FRY: variants seen among roughly 807,000 people sequenced by gnomAD.
FRY encodes the protein FRY microtubule binding protein.
FRY carries 128 observed loss-of-function variants against 348.4 expected under a neutral mutation model. The ratio of observed to expected loss-of-function variants is 0.37; its 90% CI spans 0.32 to 0.43. FRY has a LOEUF of 0.43. FRY is among the 20% of genes least tolerant of loss of function. FRY has a pLI of 1.00. For synonymous variants in FRY, 1,370 were observed against 1,374.7 expected, an observed-to-expected ratio of 1.00 and a Z score of 0.08; for missense variants, 2,736 against 3,695.2, an observed-to-expected ratio of 0.74 and a Z score of 6.73.
In FRY at chr13:32,208,898, T is replaced by G. The variant is rs2138351886; in HGVS notation, c.4064T>G (p.Ile1355Ser). The change falls in exon 32 of 61, where the codon ATC becomes AGC. Residue 1355 changes from isoleucine (I) to serine (S), a missense_variant. Physicochemically the swap from Ile to Ser is moderately radical, Grantham distance 142. This residue lies in a region of FRY where 794 missense variants were observed against 977.0 expected (regional missense o/e 0.81). Coordinates refer to ENST00000542859, the MANE Select transcript of FRY (RefSeq NM_023037.3). ...FPTTHPNGRQ[I>S]MLTYLLPWLH... ...ACAACACACCCCAACGGGCGCCAGA[T>G]CATGCTTACCTACCTGCTGCCCTGG... 1 of 1,614,186 alleles carries G rather than the reference T, an allele frequency of 6.2e-7. No homozygotes were observed. Among genetic ancestry groups the G allele is most frequent in the South Asian group, 1.1e-5 (1 of 91,086 alleles).
chr13:32,259,537 T>C (rs564920285), intron 51 of FRY, among the ~76,000 whole-genome samples: 1 of 152,336 alleles, frequency 6.6e-6, no homozygotes, highest in South Asian at 2.1e-4. Context: ...TGCAAGCTCA[T>C]GGTTCTGTCT....
At chr13:32,078,139 C>T (rs893917060) in intron 1 of FRY, among the ~76,000 whole-genome samples, 3 of 152,188 alleles carry the variant, frequency 2.0e-5, no homozygotes, top group African/African-American at 7.2e-5. Context: ...TCATCAGGAG[C>T]TTTAATAGCT....
intron 59 of FRY, among the ~76,000 whole-genome samples, chr13:32,293,235 T>C (rs1435654017): frequency 6.6e-6 from 1 of 152,188 alleles, no homozygotes; most frequent in African/African-American, 2.4e-5. Flanking sequence ...TATACACACA[T>C]AATGTTTAAA....
intron 1 of FRY, among the ~76,000 whole-genome samples, chr13:32,071,697 A>G (rs1161808394): frequency 1.3e-5 from 2 of 152,100 alleles, no homozygotes; most frequent in African/African-American, 2.4e-5. Context: ...TGGAATCCAA[A>G]CGTAGAATGG....
intron 7 of FRY, among the ~76,000 whole-genome samples, chr13:32,130,163 C>T (rs950859237): frequency 2.0e-5 from 3 of 150,188 alleles, no homozygotes. Context: ...CAGGTTCAAG[C>T]GATTTTCCAG....
Position 32,274,936 on chromosome 13 carries a change from C to T in FRY, c.8231C>T (p.Ser2744Phe). The T allele has an allele frequency of 6.2e-7, 1 of 1,613,448 alleles. No homozygotes were observed. Among genetic ancestry groups the T allele is most frequent in the Non-Finnish European group, 8.5e-7 (1 of 1,179,450 alleles). Residue 2744 changes from serine (S) to phenylalanine (F), a missense_variant, in exon 56 of 61, where the codon TCC becomes TTC. By Grantham distance (155) the Ser-to-Phe change is radical. Transcript: ENST00000542859. ...RGIGSKFVSS[S>F]QMLTSCSECP... ...ATCGGATCCAAATTTGTCAGCTCTT[C>T]CCAGATGCTCACCTCCTGCTCTGAA...
At chr13:32,269,566 C>T (rs763134569) in intron 55 of FRY, among the ~76,000 whole-genome samples, 6 of 152,098 alleles carry the variant, frequency 3.9e-5, no homozygotes, top group Non-Finnish European at 7.4e-5. Context: ...GGGGCACATA[C>T]CTGTAATCCC....
intron 29 of FRY, 60 bp downstream of exon 29, chr13:32,194,357 A>C: frequency 1.3e-6 from 2 of 1,482,838 alleles, no homozygotes; most frequent in Non-Finnish European, 1.9e-6. Context: ...TTTTTGTGAT[A>C]TGAATGACGG....
At chr13:32,043,470 G>T (rs1480863832) in intron 1 of FRY, among the ~76,000 whole-genome samples, 1 of 152,168 alleles carries the variant, frequency 6.6e-6, no homozygotes, top group Non-Finnish European at 1.5e-5. Flanking sequence ...ATTTCCTCTG[G>T]TCTTTACCAT....
intron 1 of FRY, among the ~76,000 whole-genome samples, chr13:32,058,478 G>A (rs1873761094): frequency 6.6e-6 from 1 of 152,116 alleles, no homozygotes; most frequent in Non-Finnish European, 1.5e-5. Flanking sequence ...TAAAATATCT[G>A]TAGCCTGCTT....
intron 1 of FRY, among the ~76,000 whole-genome samples, chr13:32,041,605 T>G (rs1872748175): frequency 6.6e-6 from 1 of 152,036 alleles, no homozygotes; most frequent in African/African-American, 2.4e-5. Flanking sequence ...CCTTAGGGAG[T>G]TTTGAGGGTC....
At chr13:32,288,951 T>C (rs1696344071) in intron 58 of FRY, among the ~76,000 whole-genome samples, 1 of 152,192 alleles carries the variant, frequency 6.6e-6, no homozygotes, top group African/African-American at 2.4e-5. Flanking sequence ...GAACAAATTA[T>C]AGGGTACAGA....
chr13:32,158,138 G>A (rs1173431770), intron 16 of FRY, among the ~76,000 whole-genome samples: 1 of 152,136 alleles, frequency 6.6e-6, no homozygotes, highest in Non-Finnish European at 1.5e-5. Context: ...TCATATTGTG[G>A]TGTGCATTTT....
intron 30 of FRY, 27 bp downstream of exon 30, chr13:32,202,067 A>G: frequency 7.9e-7 from 1 of 1,268,518 alleles, no homozygotes. Context: ...GGCATAGAAA[A>G]TATCCATCCT....
intron 17 of FRY, among the ~76,000 whole-genome samples, chr13:32,164,518 G>A (rs181478896): frequency 4.1e-4 from 62 of 152,180 alleles, no homozygotes; most frequent in Middle Eastern, 6.8e-3. Flanking sequence ...ACACATATTA[G>A]TATGTTGCAC....
chr13:32,141,663 ACGGAC>A (rs1483978804), intron 11 of FRY, among the ~76,000 whole-genome samples: 2 of 152,246 alleles, frequency 1.3e-5, no homozygotes, highest in African/African-American at 2.4e-5. Flanking sequence ...TAGTCAGCTG[ACGGAC>A]CTTGAGTAAC....
chr13:32,232,668 T>G (rs1030317966), intron 41 of FRY, among the ~76,000 whole-genome samples: 3 of 152,148 alleles, frequency 2.0e-5, no homozygotes, highest in African/African-American at 7.2e-5. Context: ...TTCCTCAGGA[T>G]GAGTTGACAC....
chr13:32,198,518 A>T lies in FRY; in HGVS notation c.3747-3423A>T, dbSNP rs1883821323. Among the ~76,000 whole-genome samples the T allele has an allele frequency of 1.3e-5, 2 of 152,190 alleles. 1 individual carries two copies. The highest frequency in any genetic ancestry group is 1.3e-4 in the Admixed American group (2 of 15,268). ...GGAGACTGAGAGCATTGTAGGTAAG[A>T]GCTTGAATTCTTTGAAGTCAGACTT... On this transcript the variant is annotated intron_variant, in intron 29 of 60. Coordinates refer to ENST00000542859, the MANE Select transcript of FRY (RefSeq NM_023037.3).
At chr13:32,225,092 A>G (rs2138412199) in intron 38 of FRY, 56 bp downstream of exon 38, 2 of 960,942 alleles carry the variant, frequency 2.1e-6, no homozygotes, top group East Asian at 4.8e-5. Context: ...ATACAGAAGT[A>G]ATCCGTAGAG....
Sources: gnomAD v4.1 joint callset for allele counts (sites outside exome capture counted in the v4.1 genomes callset) on GRCh38, gnomAD v4.1.1 for gene constraint, gnomAD v4.1.1 regional missense constraint, MANE v1.5 for transcripts, NCBI Gene and HGNC (gene_info 2026-07-23, HGNC 2026-07-21) for gene names.